Variants in PIEZO1 observed in about 807,000 individuals in gnomAD.
The protein encoded by PIEZO1 is piezo-type mechanosensitive ion channel component 1.
PIEZO1 carries 296 observed loss-of-function variants against 297.2 expected under a neutral mutation model. That is an observed-to-expected ratio of 1.00 (90% CI 0.91 to 1.10). The LOEUF is 1.10. Among genes scored for constraint, PIEZO1 ranks in the 50% least tolerant of loss-of-function variants. The pLI is 0.00. For synonymous variants in PIEZO1, 2,427 were observed against 1,507.5 expected (o/e 1.61, Z -14.13); for missense variants, 5,018 against 3,455.5 (o/e 1.45, Z -11.34).
At chr16:88,718,124 A>AGAT (rs35177792) in intron 44 of PIEZO1, 52,039 of 193,800 alleles carry the variant, frequency 0.27, 7,616 homozygotes, top group South Asian at 0.32. Context: ...TCCCCAGAGA[A>AGAT]GATACACAAA....
chr16:88,725,688 TA>T lies in PIEZO1; in HGVS notation c.3969-5del, dbSNP rs1212638525. Reference sequence around the variant, plus strand: ...AGCGTTGTAGAGGGCGAAGCCCCTGTAGGGAGGCGGGGATGGGGTGTGAGCA... The same window carrying T: ...AGCGTTGTAGAGGGCGAAGCCCCTGTGGGAGGCGGGGATGGGGTGTGAGCA... On this transcript the variant is annotated splice_polypyrimidine_tract_variant and splice_region_variant and intron_variant, in intron 27 of 50. Coordinates refer to ENST00000301015, the MANE Select transcript of PIEZO1 (RefSeq NM_001142864.4). The T allele has an allele frequency of 4.0e-6, 6 of 1,503,978 alleles. No individual in the cohort carries two copies. In the African/African-American group the frequency reaches 8.3e-5, roughly 21 times the overall value. The allele number at this position is 1,503,978 out of a possible 1,614,324, so 93.2% of individuals were successfully genotyped here.
At chr16:88,768,325 C>G (rs548691396) in intron 1 of PIEZO1, among the ~76,000 whole-genome samples, 1 of 152,332 alleles carries the variant, frequency 6.6e-6, no homozygotes, top group Non-Finnish European at 1.5e-5. Context: ...CTCCAAGAAG[C>G]TCCCCGGGCC....
At chr16:88,769,499 G>C (rs548457276) in intron 1 of PIEZO1, among the ~76,000 whole-genome samples, 1 of 152,352 alleles carries the variant, frequency 6.6e-6, no homozygotes, top group South Asian at 2.1e-4. Flanking sequence ...TATGAAGACA[G>C]ACCTGCGGAA....
At chr16:88,775,239 G>T (rs1907604455) in intron 1 of PIEZO1, among the ~76,000 whole-genome samples, 2 of 152,242 alleles carry the variant, frequency 1.3e-5, no homozygotes, top group African/African-American at 4.8e-5. Context: ...GGAGCAGGAG[G>T]CAGAGGCGCC....
chr16:88,776,351 G>A (rs1160748543), intron 1 of PIEZO1, among the ~76,000 whole-genome samples: 4 of 152,208 alleles, frequency 2.6e-5, no homozygotes, highest in Admixed American at 6.5e-5. Flanking sequence ...GGAGAATGGC[G>A]TGAACCTGGG....
At chr16:88,731,627 C>T in intron 22 of PIEZO1, 79 bp downstream of exon 22, 1 of 1,125,930 alleles carries the variant, frequency 8.9e-7, no homozygotes, top group Non-Finnish European at 1.3e-6. Flanking sequence ...GGACAGGAGT[C>T]TGGGGCAGGC....
At chr16:88,756,592 A>AC (rs1161171092) in intron 1 of PIEZO1, among the ~76,000 whole-genome samples, 2 of 151,942 alleles carry the variant, frequency 1.3e-5, no homozygotes, top group Middle Eastern at 3.4e-3. Flanking sequence ...ACATGGTGAA[A>AC]CCCCATCTCT....
chr16:88,725,031 C>T lies in PIEZO1; in HGVS notation c.4212G>A (p.Arg1404=). The T allele has an allele frequency of 6.7e-7, 1 of 1,497,208 alleles. No homozygotes were observed. The highest frequency in any genetic ancestry group is 1.3e-5 in the South Asian group (1 of 76,438). 92.7% of individuals were successfully genotyped at this position (1,497,208 alleles called of 1,614,324 possible). Residue 1404 remains arginine (R), a synonymous_variant, in exon 30 of 51, where the codon CGG becomes CGA. Transcript: ENST00000301015. ...TACCTGTGGCGTGGTCCAGCCAGGGCCGCCACCACTGCCTCCGTGGCGGGG... is the reference window on the plus strand; with the variant it reads ...TACCTGTGGCGTGGTCCAGCCAGGGTCGCCACCACTGCCTCCGTGGCGGGG... ...GSSPPRRQWW[R]PWLDHATVIH... is the part of the protein sequence containing the mutation.
chr16:88,784,872 T>C (rs1908107186), intron 1 of PIEZO1, 29 bp downstream of exon 1: 1 of 1,401,796 alleles, frequency 7.1e-7, no homozygotes, highest in Non-Finnish European at 9.4e-7. Context: ...CCCCCTCCCG[T>C]CGCCCCCAGG....
chr16:88,756,080 A>T, intron 1 of PIEZO1, among the ~76,000 whole-genome samples: 1 of 152,156 alleles, frequency 6.6e-6, no homozygotes, highest in Non-Finnish European at 1.5e-5. Context: ...AGGTGTCCTC[A>T]GCCATGGAAG....
Position 88,738,221 on chromosome 16 carries a change from C to T in PIEZO1, c.848+6G>A, listed in dbSNP as rs747704297. Reference sequence around the variant, plus strand: ...AGGAAAAAGGGGCTGTGTGGCAAGCCGTTACCTAGCCCAGATGCCGGCAGG... The same window carrying T: ...AGGAAAAAGGGGCTGTGTGGCAAGCTGTTACCTAGCCCAGATGCCGGCAGG... On this transcript the variant is annotated splice_donor_region_variant and intron_variant, in intron 7 of 50. Transcript: ENST00000301015. 2.4e-5 allele frequency: 37 copies of T among 1,535,192 alleles called. No homozygotes were observed. The East Asian group carries it at 2.4e-4, about 10-fold the overall frequency.
chr16:88,719,857 G>C lies in PIEZO1; in HGVS notation c.6268C>G (p.Leu2090Val). ...TACTTCTTGGTGAGGAAGTTGCCGAGGATGCGGGTGGGGTAGCCGCAGCGG... is the reference window on the plus strand; with the variant it reads ...TACTTCTTGGTGAGGAAGTTGCCGACGATGCGGGTGGGGTAGCCGCAGCGG... ...QIRCGYPTRI[L>V]GNFLTKKYNH... is the part of the protein sequence containing the mutation. Residue 2090 changes from leucine (L) to valine (V), a missense_variant, in exon 43 of 51, where the codon CTC becomes GTC. By Grantham distance (32) the Leu-to-Val change is conservative. Coordinates refer to ENST00000301015, the MANE Select transcript of PIEZO1 (RefSeq NM_001142864.4). 6.4e-7 allele frequency: 1 copy of C among 1,550,554 alleles called. No homozygotes were observed. Among genetic ancestry groups the C allele is most frequent in the Non-Finnish European group, 8.7e-7 (1 of 1,146,942 alleles).
At position 88,755,220 on chromosome 16, in the gene PIEZO1, G is replaced by A. The variant is rs116729758; in HGVS notation, c.65-5741C>T. ...GCGAACAGCCGCCCCCGCCGCCCCC[G>A]CCATGTGGCTCGGGCCTAGCTGGCT... On this transcript the variant is annotated intron_variant, in intron 1 of 50. Transcript: ENST00000301015. 8.4e-3 allele frequency among the ~76,000 whole-genome samples: 1,280 copies of A among 152,366 alleles called. 20 individuals carry two copies. The highest frequency in any genetic ancestry group is 0.028 in the African/African-American group (1,184 of 41,586).
At chr16:88,727,456 T>A (rs544504627) in intron 23 of PIEZO1, 101 bp downstream of exon 23, 2 of 641,072 alleles carry the variant, frequency 3.1e-6, no homozygotes, top group African/African-American at 3.7e-5. Context: ...TGACCACACC[T>A]CCGCCCGTGC....
chr16:88,743,354 C>T (rs1456210286), intron 2 of PIEZO1: 1 of 452,200 alleles, frequency 2.2e-6, no homozygotes, highest in South Asian at 1.6e-5. Context: ...CTTCCCTTTC[C>T]ACCCCGGCAC....
chr16:88,784,377 C>T (rs1356501218), intron 1 of PIEZO1, among the ~76,000 whole-genome samples: 1 of 152,232 alleles, frequency 6.6e-6, no homozygotes, highest in African/African-American at 2.4e-5. Flanking sequence ...GTGAGCGGGG[C>T]TGGGCCCTGG....
In PIEZO1 at chr16:88,716,693, G is replaced by A. The variant is rs1255300409; in HGVS notation, c.6792C>T (p.Asp2264=). 5 of 1,548,702 alleles carry A rather than the reference G, an allele frequency of 3.2e-6. No homozygotes were observed. The highest frequency in any genetic ancestry group is 3.9e-5 in the Admixed American group (2 of 51,014). Residue 2264 remains aspartate, a synonymous_variant, in exon 47 of 51, where the codon GAC becomes GAT. Coordinates refer to ENST00000301015, the MANE Select transcript of PIEZO1 (RefSeq NM_001142864.4). ...MQFISQYSPE[D]IVTAQIEGSS... Reference sequence around the variant, plus strand: ...TGCCCTCAATCTGCGCCGTGACGATGTCCTCAGGGCTGTACTGGCTGATGA... The same window carrying A: ...TGCCCTCAATCTGCGCCGTGACGATATCCTCAGGGCTGTACTGGCTGATGA...
At chr16:88,730,362 G>GGGAGGC (rs111350029) in intron 22 of PIEZO1, among the ~76,000 whole-genome samples, 135,111 of 151,512 alleles carry the variant, frequency 0.89, 60,333 homozygotes, top group African/African-American at 0.94. Context: ...CCTGTAATTT[G>GGGAGGC]GGAGGCGGGT....
At chr16:88,780,275 C>A (rs1907869694) in intron 1 of PIEZO1, among the ~76,000 whole-genome samples, 1 of 152,190 alleles carries the variant, frequency 6.6e-6, no homozygotes, top group Admixed American at 6.5e-5. Context: ...ATTAACTTCC[C>A]TCACCCCAGA....
Sources: gnomAD v4.1 joint callset for allele counts (sites outside exome capture counted in the v4.1 genomes callset) on GRCh38, gnomAD v4.1.1 for gene constraint, MANE v1.5 for transcripts, NCBI Gene and HGNC (gene_info 2026-07-23, HGNC 2026-07-21) for gene names.